The following DSC1 variants were observed in gnomAD, a reference collection of about 807,000 sequenced individuals.
DSC1 encodes the protein desmocollin 1, also known as desmocollin-1.
A neutral mutation model predicts 98.8 loss-of-function variants in DSC1; 79 were observed. The ratio of observed to expected loss-of-function variants is 0.80; its 90% confidence interval spans 0.67 to 0.96. The LOEUF (loss-of-function observed/expected upper bound fraction) is 0.96, where lower values mean the gene tolerates loss of function less well. Ranked by LOEUF, DSC1 falls within the 50% of genes least tolerant of loss-of-function variation. The pLI is 0.00. For synonymous variants in DSC1, 405 were observed against 372.1 expected, an observed-to-expected ratio of 1.09 and a Z score of -1.02; for missense variants, 1,115 against 1,075.9, an observed-to-expected ratio of 1.04 and a Z score of -0.51.
intron 5 of DSC1, 95 bp from the exon 6 acceptor site, chr18:31,148,737 A>AC: frequency 7.8e-7 from 1 of 1,277,544 alleles, no homozygotes. Context: ...CATTAAAAAA[A>AC]AAAATCATTC....
intron 15 of DSC1, chr18:31,130,963 T>G (rs1437860528): frequency 2.3e-6 from 2 of 885,596 alleles, no homozygotes; most frequent in Non-Finnish European, 3.4e-6. Flanking sequence ...CGCAACACAT[T>G]TATAATTTCC....
chr18:31,150,306 C>G (rs1272669755), intron 5 of DSC1, among the ~76,000 whole-genome samples: 2 of 128,698 alleles, frequency 1.6e-5, no homozygotes, highest in Admixed American at 8.3e-5. Flanking sequence ...ACCATCATCA[C>G]CACCACTACT....
At chr18:31,143,396 T>A (rs75528377) in intron 8 of DSC1, among the ~76,000 whole-genome samples, 5,577 of 92,006 alleles carry the variant, frequency 0.061, 372 homozygotes, top group African/African-American at 0.21. Context: ...TAAAATAAAA[T>A]AAAAGTTTAA....
rs767775240 is a variant in DSC1, at chr18:31,157,548, C to A, written c.174G>T (p.Ser58=). 1.9e-6 allele frequency: 3 copies of A among 1,614,114 alleles called. No homozygotes were observed. In the Admixed American group the frequency reaches 5.0e-5, roughly 27 times the overall value. ...GKVNLEECLK[S]ASLIRSSDPA... is the part of the protein sequence containing the mutation. ...GGTCACTGGACCGGATTAGGCTGGC[C>A]GACTTGAGACACTCCTCCAGATTCA... The change falls in exon 3 of 16, where the codon TCG becomes TCT. Residue 58 remains serine, a synonymous_variant. Transcript: ENST00000257198.
intron 11 of DSC1, among the ~76,000 whole-genome samples, chr18:31,139,286 A>G (rs1988679025): frequency 6.6e-6 from 1 of 152,114 alleles, no homozygotes; most frequent in South Asian, 2.1e-4. Context: ...ATAAAATAGG[A>G]TAAATGATTT....
At chr18:31,156,331 A>G (rs182998397) in intron 3 of DSC1, among the ~76,000 whole-genome samples, 169 bp from the exon 4 acceptor site, 2 of 152,296 alleles carry the variant, frequency 1.3e-5, no homozygotes, top group Admixed American at 1.3e-4. Flanking sequence ...CTCAGACTAC[A>G]TTATGTTCCC....
In DSC1 at chr18:31,142,139, G is replaced by A. The variant is rs751103030; in HGVS notation, c.1120C>T (p.Arg374Ter). Residue 374 changes from arginine to a stop codon, truncating the protein, a stop_gained, in exon 9 of 16, where the codon CGA becomes TGA. Coordinates refer to ENST00000257198, the MANE Select transcript of DSC1 (RefSeq NM_024421.2). LOFTEE classifies it high-confidence loss of function. ...AAATCCTGATCCTGTACCTTCATTC[G>A]TAAAATCTCCACGTCAATTCTGTTT... ...EENRIDVEILRMKVQDQDLPN... is the reference protein window; with the variant it reads ...EENRIDVEIL 8.7e-6 allele frequency: 14 copies of A among 1,612,556 alleles called. No homozygotes were observed. Among genetic ancestry groups the A allele is most frequent in the South Asian group, 2.2e-5 (2 of 90,844 alleles).
intron 11 of DSC1, among the ~76,000 whole-genome samples, chr18:31,135,678 C>T (rs1257359140): frequency 6.6e-6 from 1 of 152,114 alleles, no homozygotes; most frequent in Non-Finnish European, 1.5e-5. Context: ...AGACTTCACA[C>T]ATAGTATTTT....
chr18:31,132,479 A>G, intron 14 of DSC1, 89 bp downstream of exon 14: 1 of 1,535,470 alleles, frequency 6.5e-7, no homozygotes, highest in Non-Finnish European at 8.9e-7. Flanking sequence ...CTCAATAAAC[A>G]TTAGTGATAT....
chr18:31,162,600 G>T lies in DSC1; in HGVS notation c.-6C>A. The stretch of plus-strand genomic sequence containing the variant: ...GCAGCAGAGGCCAGAGCCATCAGAA[G>T]CAGTCCCAATGGCCAGGGACGGTGG... On this transcript the variant is annotated 5_prime_UTR_variant, in exon 1 of 16. Transcript: ENST00000257198. The T allele has an allele frequency of 6.2e-7, 1 of 1,614,088 alleles. No homozygotes were observed. The highest frequency in any genetic ancestry group is 2.2e-5 in the East Asian group (1 of 44,868).
intron 15 of DSC1, 102 bp from the exon 16 acceptor site, chr18:31,130,813 A>G (rs1988471472): frequency 6.2e-7 from 1 of 1,612,658 alleles, no homozygotes. Flanking sequence ...TTAATTTTTA[A>G]TCAGAGTGTG....
chr18:31,139,353 G>A (rs1421700481), intron 11 of DSC1, among the ~76,000 whole-genome samples: 1 of 152,070 alleles, frequency 6.6e-6, no homozygotes, highest in Non-Finnish European at 1.5e-5. Flanking sequence ...TGTTTTAGGT[G>A]TGTTGAACCC....
chr18:31,158,369 G>A (rs9956307), intron 2 of DSC1, among the ~76,000 whole-genome samples: 85,149 of 152,024 alleles, frequency 0.56, 24,127 homozygotes, highest in East Asian at 0.66. Flanking sequence ...TAGTAAACCC[G>A]ATGCGCTGTG....
intron 3 of DSC1, 122 bp from the exon 4 acceptor site, chr18:31,156,284 A>G (rs1014715703): frequency 2.7e-4 from 321 of 1,198,472 alleles, no homozygotes; most frequent in Non-Finnish European, 2.8e-4. Context: ...ATGGCTAGTC[A>G]GCAAAGCATT....
At chr18:31,162,429 C>T in intron 1 of DSC1, 103 bp downstream of exon 1, 1 of 1,087,888 alleles carries the variant, frequency 9.2e-7, no homozygotes, top group Non-Finnish European at 1.4e-6. Flanking sequence ...AATCTCTCTT[C>T]TCTGCCTCCC....
intron 5 of DSC1, among the ~76,000 whole-genome samples, chr18:31,152,491 G>A (rs1044567640): frequency 7.9e-5 from 12 of 152,064 alleles, no homozygotes; most frequent in African/African-American, 2.7e-4. Context: ...CAAAGAATTA[G>A]GAAATTCCAT....
chr18:31,131,884 G>A (rs1988500864), intron 14 of DSC1, 42 bp from the exon 15 acceptor site: 2 of 1,604,756 alleles, frequency 1.2e-6, no homozygotes, highest in African/African-American at 2.7e-5. Flanking sequence ...TTGAAAAATG[G>A]AAACTAACAA....
intron 5 of DSC1, among the ~76,000 whole-genome samples, chr18:31,149,045 G>A (rs1258184716): frequency 6.6e-6 from 1 of 151,994 alleles, no homozygotes; most frequent in African/African-American, 2.4e-5. Context: ...ACTATTTCAG[G>A]AACTCAATTA....
chr18:31,162,733 A>G lies in DSC1; in HGVS notation c.-139T>C. The G allele has an allele frequency of 1.5e-6, 1 of 684,330 alleles. No homozygotes were observed. Among genetic ancestry groups the G allele is most frequent in the Non-Finnish European group, 2.6e-6 (1 of 388,680 alleles). The allele number at this position is 684,330 out of a possible 1,614,324, so 42.4% of individuals were successfully genotyped here. A position where few individuals can be genotyped will look rare whatever the true frequency, so the allele number is the denominator to read the frequency against. On this transcript the variant is annotated 5_prime_UTR_variant, in exon 1 of 16. Transcript: ENST00000257198. ...TGCAGCTGAGCTTGGTTTGGAAGAC[A>G]GTCCGGAGGCAAGTGATAAACAGTA...
Sources: allele counts gnomAD v4.1 joint callset (sites outside exome capture counted in the v4.1 genomes callset), GRCh38; gene constraint gnomAD v4.1.1; transcripts MANE v1.5; gene names NCBI Gene and HGNC (gene_info 2026-07-23, HGNC 2026-07-21).